Variants in ADAMTS17 observed in about 807,000 individuals in gnomAD.
ADAMTS17 encodes A disintegrin and metalloproteinase with thrombospondin motifs 17.
Under a neutral mutation model 141.5 loss-of-function variants are expected in ADAMTS17, and 113 were observed. The observed-to-expected ratio is 0.80, with a 90% CI of 0.69 to 0.93. The LOEUF is 0.93. ADAMTS17 is among the 40% of genes least tolerant of loss of function. The pLI is 0.00. For synonymous variants in ADAMTS17, 768 were observed against 630.6 expected (o/e 1.22, Z -3.27); for missense variants, 1,659 against 1,517.9 (o/e 1.09, Z -1.54).
chr15:100,229,657 CCACT>C (rs763762403), intron 7 of ADAMTS17, among the ~76,000 whole-genome samples: 6 of 152,172 alleles, frequency 3.9e-5, no homozygotes, highest in East Asian at 1.9e-4. Context: ...CCAGAGGCAA[CCACT>C]CAAAGGTCAC....
chr15:100,076,781 C>T (rs2141777817), intron 15 of ADAMTS17, among the ~76,000 whole-genome samples: 1 of 152,106 alleles, frequency 6.6e-6, no homozygotes, highest in South Asian at 2.1e-4. Context: ...TTTAATACTA[C>T]ACAAACAAAA....
rs184641578 is a variant in ADAMTS17, at chr15:99,979,570, G to A, written c.2950-3348C>T. 240 of 139,296 alleles carry A rather than the reference G, an allele frequency of 1.7e-3. 2 individuals are homozygous for A. The highest frequency in any genetic ancestry group is 5.9e-3 in the African/African-American group (221 of 37,294). 8.6% of individuals were successfully genotyped at this position (139,296 alleles called of 1,614,324 possible). A position where few individuals can be genotyped will look rare whatever the true frequency, so the allele number is the denominator to read the frequency against. On this transcript the variant is annotated intron_variant, in intron 20 of 21. Transcript: ENST00000268070. The stretch of plus-strand genomic sequence containing the variant: ...CAATCCCCTGCAAAACCACGCGAGT[G>A]GTCCACTGGGAGCGGGACAGACTGA...
intron 14 of ADAMTS17, among the ~76,000 whole-genome samples, chr15:100,102,223 T>C (rs7498060): frequency 0.066 from 10,091 of 152,222 alleles, 751 homozygotes; most frequent in African/African-American, 0.18. Flanking sequence ...TTTCTTCAAA[T>C]AGCAGATGAT....
intron 15 of ADAMTS17, among the ~76,000 whole-genome samples, chr15:100,058,657 C>T (rs1265824104): frequency 1.3e-5 from 2 of 152,110 alleles, no homozygotes; most frequent in Non-Finnish European, 2.9e-5. Context: ...GGAGGCCCGA[C>T]ACTGGGCGGC....
At chr15:100,001,982 AAAGGCCAAACCC>A (rs1235223245) in intron 18 of ADAMTS17, among the ~76,000 whole-genome samples, 2 of 137,132 alleles carry the variant, frequency 1.5e-5, no homozygotes, top group South Asian at 2.4e-4. Flanking sequence ...GTCTCAAAAA[AAAGGCCAAACCC>A]AAAAAAAAAA....
At chr15:100,097,982 G>A (rs1248376682) in intron 14 of ADAMTS17, among the ~76,000 whole-genome samples, 5 of 152,318 alleles carry the variant, frequency 3.3e-5, no homozygotes, top group East Asian at 3.9e-4. Flanking sequence ...TCTAAAAGCT[G>A]AGCAAGTTGA....
chr15:100,302,815 G>T (rs887864247), intron 3 of ADAMTS17, among the ~76,000 whole-genome samples: 1 of 152,126 alleles, frequency 6.6e-6, no homozygotes, highest in African/African-American at 2.4e-5. Context: ...TTGAATCAGT[G>T]GGCTGCGAAA....
At position 100,163,140 on chromosome 15, in the gene ADAMTS17, C is replaced by T. The variant is rs188347259; in HGVS notation, c.1182-7820G>A. On this transcript the variant is annotated intron_variant, in intron 8 of 21. Coordinates refer to ENST00000268070, the MANE Select transcript of ADAMTS17 (RefSeq NM_139057.4). ...GGACAGGTATATACCTACACTTACACGTACGTACATATATACACACATACA... is the reference window on the plus strand; with the variant it reads ...GGACAGGTATATACCTACACTTACATGTACGTACATATATACACACATACA... Among the ~76,000 whole-genome samples, 57 of 151,750 alleles carry T rather than the reference C, an allele frequency of 3.8e-4. No homozygotes were observed. The East Asian group carries it at 7.3e-3, about 20-fold the overall frequency.
At chr15:100,214,562 AG>A (rs2041912520) in intron 7 of ADAMTS17, among the ~76,000 whole-genome samples, 2 of 152,216 alleles carry the variant, frequency 1.3e-5, no homozygotes, top group Admixed American at 6.5e-5. Context: ...AATTTTTTAA[AG>A]GAATAAAATG....
Position 100,261,525 on chromosome 15 carries a change from C to G in ADAMTS17, c.985G>C (p.Gly329Arg). ...RYLGNNQVPG[G>R]KDDPPLVDAA... Reference sequence around the variant, plus strand: ...TCCACCAGGGGCGGGTCGTCCTTCCCGCCGGGAACCTGGTTATTGCCGAGG... The same window carrying G: ...TCCACCAGGGGCGGGTCGTCCTTCCGGCCGGGAACCTGGTTATTGCCGAGG... Residue 329 changes from glycine (G) to arginine (R), a missense_variant, in exon 6 of 22, where the codon GGG becomes CGG. Gly to Arg is a moderately radical substitution (Grantham distance 125). Transcript: ENST00000268070. 1 of 1,614,178 alleles carries G rather than the reference C, an allele frequency of 6.2e-7. No homozygotes were observed. Among genetic ancestry groups the G allele is most frequent in the Non-Finnish European group, 8.5e-7 (1 of 1,180,044 alleles).
chr15:100,254,305 C>G, intron 6 of ADAMTS17, 126 bp from the exon 7 acceptor site: 2 of 856,106 alleles, frequency 2.3e-6, no homozygotes, highest in Non-Finnish European at 3.8e-6. Context: ...CAGGCCACAG[C>G]GAATGATAAC....
At chr15:100,207,382 T>A (rs1358676149) in intron 7 of ADAMTS17, among the ~76,000 whole-genome samples, 2 of 152,112 alleles carry the variant, frequency 1.3e-5, no homozygotes, top group East Asian at 3.9e-4. Flanking sequence ...AGCCTCCCAG[T>A]CTGCAGTATT....
At chr15:99,977,874 G>A (rs145028578) in intron 20 of ADAMTS17, among the ~76,000 whole-genome samples, 2 of 152,256 alleles carry the variant, frequency 1.3e-5, no homozygotes, top group African/African-American at 4.8e-5. Context: ...CAGGAAGACA[G>A]CCAGGTCCAT....
chr15:100,281,322 G>A lies in ADAMTS17; in HGVS notation c.696C>T (p.His232=), dbSNP rs1336868248. Residue 232 remains histidine, a synonymous_variant, in exon 4 of 22, where the codon CAC becomes CAT. Transcript: ENST00000268070. ...RRNAIRLTSE[H]TVETLVVADA... Reference sequence around the variant, plus strand: ...CGGCCACCACCAGGGTCTCCACCGTGTGCTCGCTGGTGAGCCGGATAGCGT... The same window carrying A: ...CGGCCACCACCAGGGTCTCCACCGTATGCTCGCTGGTGAGCCGGATAGCGT... The A allele has an allele frequency of 1.2e-6, 2 of 1,610,332 alleles. No individual in the cohort carries two copies. Among genetic ancestry groups the A allele is most frequent in the South Asian group, 2.2e-5 (2 of 91,062 alleles).
chr15:99,977,185 A>G (rs1761678031), intron 20 of ADAMTS17, among the ~76,000 whole-genome samples: 1 of 150,996 alleles, frequency 6.6e-6, no homozygotes, highest in African/African-American at 2.4e-5. Context: ...CATGTGGCTG[A>G]CGGTGTTGAT....
intron 18 of ADAMTS17, among the ~76,000 whole-genome samples, chr15:100,025,478 C>T (rs1426836109): frequency 1.4e-5 from 2 of 147,630 alleles, no homozygotes; most frequent in African/African-American, 5.1e-5. Flanking sequence ...GTGGCGTGAT[C>T]TCGGCTCACT....
chr15:100,109,651 T>G (rs949237613), intron 13 of ADAMTS17, among the ~76,000 whole-genome samples: 2 of 151,794 alleles, frequency 1.3e-5, no homozygotes, highest in South Asian at 4.2e-4. Context: ...TGAGTGGGAG[T>G]AAGGTACAAA....
intron 3 of ADAMTS17, among the ~76,000 whole-genome samples, chr15:100,323,044 G>A (rs1233571562): frequency 7.6e-6 from 1 of 131,434 alleles, no homozygotes; most frequent in Non-Finnish European, 1.5e-5. Context: ...CTGAGATTGT[G>A]CCACTGAACT....
At chr15:100,289,612 C>A (rs895535756) in intron 3 of ADAMTS17, among the ~76,000 whole-genome samples, 1 of 151,976 alleles carries the variant, frequency 6.6e-6, no homozygotes, top group African/African-American at 2.4e-5. Flanking sequence ...ATGCAAAAAT[C>A]TTCAACAAAA....
Sources: allele counts gnomAD v4.1 joint callset (sites outside exome capture counted in the v4.1 genomes callset), GRCh38; gene constraint gnomAD v4.1.1; transcripts MANE v1.5; gene names NCBI Gene and HGNC (gene_info 2026-07-23, HGNC 2026-07-21).